The following ADAMTS17 variants were observed in gnomAD, a reference collection of about 807,000 sequenced individuals.
The protein encoded by ADAMTS17 is A disintegrin and metalloproteinase with thrombospondin motifs 17.
ADAMTS17 carries 113 observed loss-of-function variants against 141.5 expected under a neutral mutation model. The observed-to-expected ratio is 0.80, with a 90% CI of 0.69 to 0.93. The LOEUF is 0.93. ADAMTS17 is among the 40% of genes least tolerant of loss of function. The pLI is 0.00. For missense variants in ADAMTS17, 1,659 were observed against 1,517.9 expected, an observed-to-expected ratio of 1.09 and a Z score of -1.54; for synonymous variants, 768 against 630.6, an observed-to-expected ratio of 1.22 and a Z score of -3.27.
At chr15:100,064,255 A>G (rs2033353851) in intron 15 of ADAMTS17, among the ~76,000 whole-genome samples, 2 of 152,232 alleles carry the variant, frequency 1.3e-5, no homozygotes, top group Non-Finnish European at 2.9e-5. Context: ...TTAGGCAAGA[A>G]GCATGGAACA....
intron 7 of ADAMTS17, among the ~76,000 whole-genome samples, chr15:100,249,033 A>AC (rs1365921377): frequency 1.3e-5 from 2 of 151,766 alleles, no homozygotes; most frequent in African/African-American, 4.8e-5. Flanking sequence ...TCTTGACCTC[A>AC]CGTGATCCGC....
At position 100,338,251 on chromosome 15, in the gene ADAMTS17, G is replaced by A. The variant is rs571702918; in HGVS notation, c.450+2788C>T. ...ATGGAACAGGTGCTTTACTCTCCATGGCCCCTAAACAGCTACGGAATGATC... is the reference window on the plus strand; with the variant it reads ...ATGGAACAGGTGCTTTACTCTCCATAGCCCCTAAACAGCTACGGAATGATC... On this transcript the variant is annotated intron_variant, in intron 2 of 21. Transcript: ENST00000268070. Among the ~76,000 whole-genome samples the A allele has an allele frequency of 5.9e-5, 9 of 152,150 alleles. No individual in the cohort carries two copies. In the East Asian group the frequency reaches 1.7e-3, roughly 29 times the overall value.
intron 18 of ADAMTS17, among the ~76,000 whole-genome samples, chr15:100,016,630 C>G (rs2061295269): frequency 6.6e-6 from 1 of 152,156 alleles, no homozygotes; most frequent in Admixed American, 6.5e-5. Context: ...TGATTGCTGT[C>G]TCTCTTCTGG....
At chr15:100,248,644 G>A (rs2043059418) in intron 7 of ADAMTS17, among the ~76,000 whole-genome samples, 1 of 152,232 alleles carries the variant, frequency 6.6e-6, no homozygotes, top group African/African-American at 2.4e-5. Flanking sequence ...TGAGGGGATG[G>A]TGGCTTGTTC....
chr15:100,077,997 T>C (rs1260787744), intron 15 of ADAMTS17, among the ~76,000 whole-genome samples: 1 of 148,314 alleles, frequency 6.7e-6, no homozygotes, highest in Non-Finnish European at 1.5e-5. Context: ...AACAATTCAA[T>C]TTAAGTAGCA....
Position 100,030,418 on chromosome 15 carries a change from C to T in ADAMTS17, c.2591+18439G>A, listed in dbSNP as rs535038914. 1.1e-3 allele frequency among the ~76,000 whole-genome samples: 172 copies of T among 152,286 alleles called. 1 individual carries two copies. The highest frequency in any genetic ancestry group is 4.1e-4 in the Non-Finnish European group (28 of 68,032). Reference sequence around the variant, plus strand: ...TAGCAGACAGAAGTGCTGGCAGGAACCAGCCTTTCACATCCACCCACAAAT... The same window carrying T: ...TAGCAGACAGAAGTGCTGGCAGGAATCAGCCTTTCACATCCACCCACAAAT... On this transcript the variant is annotated intron_variant, in intron 18 of 21. Coordinates refer to ENST00000268070, the MANE Select transcript of ADAMTS17 (RefSeq NM_139057.4).
At chr15:100,050,077 C>T (rs181939432) in intron 17 of ADAMTS17, among the ~76,000 whole-genome samples, 3 of 152,274 alleles carry the variant, frequency 2.0e-5, no homozygotes, top group Admixed American at 1.3e-4. Flanking sequence ...AGGGATGACT[C>T]GAAATCATGG....
chr15:100,134,117 C>T (rs1380473093), intron 10 of ADAMTS17, among the ~76,000 whole-genome samples: 1 of 152,198 alleles, frequency 6.6e-6, no homozygotes, highest in Non-Finnish European at 1.5e-5. Context: ...CACATGCAGA[C>T]AGTGACCTCA....
In ADAMTS17 at chr15:99,971,662, A is replaced by C. The variant is rs1413025398; in HGVS notation, c.*2740T>G. The C allele has an allele frequency of 1.3e-5, 2 of 152,368 alleles. No individual in the cohort carries two copies. Among genetic ancestry groups the C allele is most frequent in the Admixed American group, 1.3e-4 (2 of 15,306 alleles). The allele number at this position is 152,368 out of a possible 1,614,324, so 9.4% of individuals were successfully genotyped here. ...TTGACTCTGAAACGAAAAAAGGACAATCGTATTGCCATAGAGGCTCTTTTC... is the reference window on the plus strand; with the variant it reads ...TTGACTCTGAAACGAAAAAAGGACACTCGTATTGCCATAGAGGCTCTTTTC... On this transcript the variant is annotated 3_prime_UTR_variant, in exon 22 of 22. Transcript: ENST00000268070.
intron 3 of ADAMTS17, among the ~76,000 whole-genome samples, chr15:100,300,255 G>C (rs1361030059): frequency 6.6e-6 from 1 of 152,108 alleles, no homozygotes; most frequent in Admixed American, 6.5e-5. Context: ...GACACCACAA[G>C]AGAGAGTGCT....
intron 19 of ADAMTS17, among the ~76,000 whole-genome samples, chr15:99,995,428 C>T (rs939444560): frequency 2.0e-5 from 3 of 152,230 alleles, no homozygotes; most frequent in Non-Finnish European, 2.9e-5. Flanking sequence ...AAGCCTTTGT[C>T]TGAGCAGTGC....
chr15:99,974,538 CGT>C lies in ADAMTS17; in HGVS notation c.3150_3151del (p.Asp1052ProfsTer86), dbSNP rs1567626663. 6.2e-7 allele frequency: 1 copy of C among 1,614,228 alleles called. No homozygotes were observed. The highest frequency in any genetic ancestry group is 8.5e-7 in the Non-Finnish European group (1 of 1,180,040). On this transcript the variant is annotated frameshift_variant, in exon 22 of 22. Coordinates refer to ENST00000268070, the MANE Select transcript of ADAMTS17 (RefSeq NM_139057.4). LOFTEE classifies it high-confidence loss of function. ...CCGGCAATATACCGTCCACTGGTCT[CGT>C]GTGCATTTGTAGGTCAGAGCAGCTA... is the stretch of plus-strand genomic sequence containing the variant.
intron 7 of ADAMTS17, among the ~76,000 whole-genome samples, chr15:100,205,103 C>G (rs1340931965): frequency 6.6e-6 from 1 of 152,128 alleles, no homozygotes; most frequent in African/African-American, 2.4e-5. Flanking sequence ...GAGACCACAG[C>G]TTAGGACACA....
At chr15:100,095,079 G>A (rs1038754876) in intron 15 of ADAMTS17, among the ~76,000 whole-genome samples, 21 of 152,134 alleles carry the variant, frequency 1.4e-4, no homozygotes, top group Non-Finnish European at 2.8e-4. Flanking sequence ...AGTTTGGATC[G>A]TCTCCAGGGG....
Position 100,188,034 on chromosome 15 carries a change from C to T in ADAMTS17, c.1181+11284G>A, listed in dbSNP as rs150793378. Among the ~76,000 whole-genome samples the T allele has an allele frequency of 2.4e-3, 363 of 151,882 alleles. 4 individuals are homozygous for T. The highest frequency in any genetic ancestry group is 7.7e-3 in the African/African-American group (320 of 41,430). ...AGGGGTTTGAGGCTGCAATGAGTTGCGATCACACCACTGCATTCCAGCCTG... is the reference window on the plus strand; with the variant it reads ...AGGGGTTTGAGGCTGCAATGAGTTGTGATCACACCACTGCATTCCAGCCTG... On this transcript the variant is annotated intron_variant, in intron 8 of 21. Coordinates refer to ENST00000268070, the MANE Select transcript of ADAMTS17 (RefSeq NM_139057.4).
At chr15:100,164,918 T>C (rs988640212) in intron 8 of ADAMTS17, among the ~76,000 whole-genome samples, 1 of 152,182 alleles carries the variant, frequency 6.6e-6, no homozygotes, top group Non-Finnish European at 1.5e-5. Flanking sequence ...CAATCACTAA[T>C]GACCACTCAT....
intron 7 of ADAMTS17, among the ~76,000 whole-genome samples, chr15:100,217,423 C>A (rs1213805501): frequency 2.0e-5 from 3 of 152,088 alleles, no homozygotes; most frequent in East Asian, 3.9e-4. Flanking sequence ...CACGGGAAAA[C>A]CCTGTCTCTA....
At chr15:100,105,739 G>A (rs866201234) in intron 14 of ADAMTS17, among the ~76,000 whole-genome samples, 29 of 152,248 alleles carry the variant, frequency 1.9e-4, no homozygotes, top group African/African-American at 7.0e-4. Context: ...CCAGGCTGGA[G>A]TGCAATGGTG....
At chr15:100,340,862 A>T in intron 2 of ADAMTS17, 177 bp downstream of exon 2, 1 of 970,438 alleles carries the variant, frequency 1.0e-6, no homozygotes, top group Non-Finnish European at 1.5e-6. Flanking sequence ...CCCTTTGCCT[A>T]TAGAGGGTAC....
Sources: allele counts gnomAD v4.1 joint callset (sites outside exome capture counted in the v4.1 genomes callset), GRCh38; gene constraint gnomAD v4.1.1; transcripts MANE v1.5; gene names NCBI Gene and HGNC (gene_info 2026-07-23, HGNC 2026-07-21).